Variants in SEMA3A observed in about 807,000 individuals in gnomAD.
SEMA3A encodes semaphorin-3A.
A neutral mutation model predicts 97.9 loss-of-function variants in SEMA3A; 29 were observed. The ratio of observed to expected loss-of-function variants is 0.30; its 90% CI spans 0.22 to 0.40. SEMA3A has a LOEUF of 0.40. SEMA3A is among the 10% of genes least tolerant of loss of function. The probability of loss-of-function intolerance (pLI) is 1.00; values close to 1 mark genes in which losing one functional copy is unlikely to be tolerated. For synonymous variants in SEMA3A, 321 were observed against 323.7 expected (o/e 0.99, Z 0.09); for missense variants, 763 against 951.3 (o/e 0.80, Z 2.60).
In SEMA3A at chr7:84,175,301, G is replaced by A. The variant is rs533673501; in HGVS notation, c.112+19174C>T. On this transcript the variant is annotated intron_variant, in intron 1 of 16. Transcript: ENST00000265362. The stretch of plus-strand genomic sequence containing the variant: ...GCCAATAATGAATATCCATTAAATG[G>A]GAATTATTAATGTTATTTTTAACAT... Among the ~76,000 whole-genome samples the A allele has an allele frequency of 4.6e-5, 7 of 152,026 alleles. No individual in the cohort carries two copies. In the South Asian group the frequency reaches 1.5e-3, roughly 32 times the overall value.
chr7:84,074,058 T>C (rs1242514516), intron 4 of SEMA3A, among the ~76,000 whole-genome samples: 3 of 152,160 alleles, frequency 2.0e-5, no homozygotes, highest in Non-Finnish European at 4.4e-5. Context: ...TCCATCCTTC[T>C]AAATAAATAC....
At chr7:84,124,302 G>A (rs978426376) in intron 3 of SEMA3A, among the ~76,000 whole-genome samples, 6 of 152,114 alleles carry the variant, frequency 3.9e-5, no homozygotes, top group Admixed American at 6.6e-5. Context: ...TGGACTTTTC[G>A]AGGAAATCAG....
At chr7:84,432,714 T>C (rs951344230) in intron 1 of SEMA3A, among the ~76,000 whole-genome samples, 1 of 152,176 alleles carries the variant, frequency 6.6e-6, no homozygotes, top group East Asian at 1.9e-4. Context: ...CAAAAAGACA[T>C]AATTTCATTT....
intron 1 of SEMA3A, among the ~76,000 whole-genome samples, chr7:84,144,511 T>C (rs764385595): frequency 6.6e-6 from 1 of 152,110 alleles, no homozygotes; most frequent in African/African-American, 2.4e-5. Context: ...AAAAGTCTCT[T>C]ACAGAAGTAA....
intron 3 of SEMA3A, among the ~76,000 whole-genome samples, chr7:84,278,592 A>C (rs1012759355): frequency 3.3e-5 from 5 of 152,130 alleles, no homozygotes; most frequent in Non-Finnish European, 7.4e-5. Context: ...AGAAGCATAG[A>C]GATATCTGCT....
intron 7 of SEMA3A, among the ~76,000 whole-genome samples, chr7:84,012,014 TA>T (rs1179847422): frequency 7.6e-6 from 1 of 132,178 alleles, no homozygotes; most frequent in African/African-American, 3.3e-5. Flanking sequence ...TGACCTCACT[TA>T]TATGTGGAAT....
intron 1 of SEMA3A, among the ~76,000 whole-genome samples, chr7:84,416,270 C>T (rs773325010): frequency 3.9e-5 from 6 of 152,006 alleles, no homozygotes; most frequent in Non-Finnish European, 5.9e-5. Flanking sequence ...ATGGGTGTAT[C>T]GAGGATTTCC....
intron 2 of SEMA3A, among the ~76,000 whole-genome samples, chr7:84,332,100 A>T (rs1801922734): frequency 6.6e-6 from 1 of 152,054 alleles, no homozygotes; most frequent in Admixed American, 6.6e-5. Context: ...TTTTACCATT[A>T]TTCAGCCATA....
chr7:84,451,914 A>G (rs1051526953), intron 1 of SEMA3A, among the ~76,000 whole-genome samples: 1 of 152,216 alleles, frequency 6.6e-6, no homozygotes, highest in Non-Finnish European at 1.5e-5. Flanking sequence ...CTTTGTTAGT[A>G]TCATTATATT....
chr7:84,148,054 C>T lies in SEMA3A; in HGVS notation c.113-13103G>A, dbSNP rs181879461. 4.0e-5 allele frequency among the ~76,000 whole-genome samples: 6 copies of T among 151,794 alleles called. No individual in the cohort carries two copies. In the East Asian group the frequency reaches 1.2e-3, roughly 30 times the overall value. On this transcript the variant is annotated intron_variant, in intron 1 of 16. Coordinates refer to ENST00000265362, the MANE Select transcript of SEMA3A (RefSeq NM_006080.3). The stretch of plus-strand genomic sequence containing the variant: ...CCTCCTGAGTAGCTGGTATTACAGG[C>T]ATGAGCCACCATGCCTGGTTAATTT...
intron 6 of SEMA3A, among the ~76,000 whole-genome samples, chr7:84,024,522 A>G (rs11975112): frequency 0.83 from 125,551 of 151,834 alleles, 52,537 homozygotes; most frequent in African/African-American, 0.96. Flanking sequence ...CTCCAGCCTG[A>G]GCAAGAGAGG....
intron 5 of SEMA3A, among the ~76,000 whole-genome samples, chr7:84,053,815 C>G (rs1412622782): frequency 5.6e-5 from 7 of 126,098 alleles, no homozygotes; most frequent in Admixed American, 2.6e-4. Flanking sequence ...TCTCAATGGT[C>G]TTTACATTTT....
At chr7:84,408,185 C>T (rs1481173867) in intron 1 of SEMA3A, among the ~76,000 whole-genome samples, 1 of 151,992 alleles carries the variant, frequency 6.6e-6, no homozygotes, top group Non-Finnish European at 1.5e-5. Context: ...TGAACTCAAA[C>T]AAATTTACAA....
intron 1 of SEMA3A, among the ~76,000 whole-genome samples, chr7:84,150,604 C>T (rs555110684): frequency 1.2e-4 from 19 of 152,232 alleles, no homozygotes; most frequent in Admixed American, 2.6e-4. Context: ...TATGGAGTCT[C>T]GCTGATTGCT....
intron 16 of SEMA3A, among the ~76,000 whole-genome samples, chr7:83,962,337 A>G (rs1344950715): frequency 2.0e-5 from 3 of 152,128 alleles, no homozygotes; most frequent in Non-Finnish European, 2.9e-5. Context: ...GGGAATATAT[A>G]TGAGACCATA....
chr7:84,370,762 TAA>T (rs990865015), intron 2 of SEMA3A, among the ~76,000 whole-genome samples: 2 of 151,662 alleles, frequency 1.3e-5, no homozygotes, highest in African/African-American at 4.8e-5. Flanking sequence ...TTGTAAGATG[TAA>T]AGTTTCTTTA....
chr7:84,468,338 C>T (rs987680962), intron 1 of SEMA3A, among the ~76,000 whole-genome samples: 1 of 152,170 alleles, frequency 6.6e-6, no homozygotes, highest in Non-Finnish European at 1.5e-5. Context: ...GTGCCAGGAC[C>T]ACCTGGGACT....
Position 84,201,401 on chromosome 7 carries a change from G to A in SEMA3A, c.-82-6733C>T, listed in dbSNP as rs146967042. Reference sequence around the variant, plus strand: ...GTGCATTCTGCTTTTTAAGGGCACAGATTTCTGTAAGTTGCAATAGTTAGA... The same window carrying A: ...GTGCATTCTGCTTTTTAAGGGCACAAATTTCTGTAAGTTGCAATAGTTAGA... On this transcript the variant is annotated intron_variant, in intron 3 of 3. Transcript: ENST00000424555. 4.0e-3 allele frequency among the ~76,000 whole-genome samples: 613 copies of A among 152,182 alleles called. 9 individuals are homozygous for A. Among genetic ancestry groups the A allele is most frequent in the African/African-American group, 0.014 (567 of 41,556 alleles).
chr7:84,055,040 T>C (rs1403427954), intron 5 of SEMA3A, among the ~76,000 whole-genome samples: 2 of 152,052 alleles, frequency 1.3e-5, no homozygotes, highest in African/African-American at 2.4e-5. Context: ...AGGGACCCAC[T>C]TGAGGAGGCA....
Sources: allele counts gnomAD v4.1 joint callset (sites outside exome capture counted in the v4.1 genomes callset), GRCh38; gene constraint gnomAD v4.1.1; transcripts MANE v1.5; gene names NCBI Gene and HGNC (gene_info 2026-07-23, HGNC 2026-07-21).